TMX4: variants seen among roughly 807,000 people sequenced by gnomAD.
The protein encoded by TMX4 is thioredoxin related transmembrane protein 4.
In TMX4, 23 loss-of-function variants were observed where a neutral mutation model predicts 33.3. The observed-to-expected ratio is 0.69, with a 90% confidence interval of 0.50 to 0.98. TMX4 has a LOEUF of 0.98. Among genes scored for constraint, TMX4 ranks in the 50% least tolerant of loss-of-function variants. The pLI, the probability that TMX4 is intolerant of heterozygous loss-of-function variation, is 0.00. For synonymous variants in TMX4, 164 were observed against 161.5 expected (o/e 1.02, Z -0.12); for missense variants, 399 against 448.9 (o/e 0.89, Z 1.01).
At chr20:8,010,109 T>C in intron 2 of TMX4, 91 bp downstream of exon 2, 2 of 1,038,216 alleles carry the variant, frequency 1.9e-6, no homozygotes, top group South Asian at 2.8e-5. Context: ...GTAATCAATA[T>C]CCCAGACTCT....
chr20:8,010,095 A>C (rs1158253689), intron 2 of TMX4, 105 bp downstream of exon 2: 3 of 869,892 alleles, frequency 3.4e-6, no homozygotes. Context: ...TGGCCAGTTC[A>C]TGGGTAATCA....
intron 1 of TMX4, 125 bp from the exon 2 acceptor site, chr20:8,010,440 C>A: frequency 1.9e-6 from 1 of 537,946 alleles, no homozygotes; most frequent in Non-Finnish European, 2.8e-6. Flanking sequence ...GAGGCTTTTC[C>A]AAAGTCATTT....
At chr20:7,986,050 A>G (rs1265980164) in intron 6 of TMX4, among the ~76,000 whole-genome samples, 2 of 152,224 alleles carry the variant, frequency 1.3e-5, no homozygotes, top group Non-Finnish European at 2.9e-5. Context: ...ACACTATGGT[A>G]GCCCCAAAAT....
chr20:7,999,628 G>T, intron 4 of TMX4, 104 bp downstream of exon 4: 1 of 1,296,082 alleles, frequency 7.7e-7, no homozygotes, highest in Non-Finnish European at 1.0e-6. Context: ...TGGGTAATTG[G>T]AAGTAAATGT....
chr20:8,002,690 T>C (rs1258036360), intron 2 of TMX4, among the ~76,000 whole-genome samples: 3 of 152,184 alleles, frequency 2.0e-5, no homozygotes, highest in African/African-American at 7.2e-5. Context: ...AACTTGCAAT[T>C]CAAAACACTG....
chr20:7,999,498 G>A (rs1277720650), intron 4 of TMX4, among the ~76,000 whole-genome samples: 20 of 152,110 alleles, frequency 1.3e-4, no homozygotes, highest in Admixed American at 1.3e-3. Context: ...TGGAAAAGAG[G>A]CGTTCTGTAA....
At chr20:8,012,385 G>T (rs192780691) in intron 1 of TMX4, among the ~76,000 whole-genome samples, 1 of 152,218 alleles carries the variant, frequency 6.6e-6, no homozygotes, top group Non-Finnish European at 1.5e-5. Context: ...ACTGCTTGGG[G>T]TTCAAGACAC....
chr20:7,989,211 T>C (rs2050643826), intron 5 of TMX4, among the ~76,000 whole-genome samples: 2 of 152,158 alleles, frequency 1.3e-5, no homozygotes, highest in African/African-American at 4.8e-5. Context: ...ATCATCAATA[T>C]TAAACCCGGA....
intron 4 of TMX4, 115 bp downstream of exon 4, chr20:7,999,612 GTAATC>G: frequency 8.8e-7 from 1 of 1,139,644 alleles, no homozygotes; most frequent in Non-Finnish European, 1.2e-6. Context: ...ATGGCCATGA[GTAATC>G]TGGGTAATTG....
At chr20:8,000,818 T>C (rs1008330322) in intron 3 of TMX4, among the ~76,000 whole-genome samples, 1 of 152,198 alleles carries the variant, frequency 6.6e-6, no homozygotes, top group African/African-American at 2.4e-5. Context: ...CATTTGGAAC[T>C]GGGAAGGGCA....
chr20:8,018,933 AC>A (rs1275392027), intron 1 of TMX4: 4 of 418,362 alleles, frequency 9.6e-6, no homozygotes, highest in African/African-American at 2.1e-5. Flanking sequence ...GCCTGCCTTC[AC>A]CGTGCTGCAA....
intron 5 of TMX4, among the ~76,000 whole-genome samples, chr20:7,992,166 G>T (rs532885152): frequency 1.3e-5 from 2 of 152,084 alleles, no homozygotes; most frequent in Non-Finnish European, 2.9e-5. Flanking sequence ...AAAGAAATTG[G>T]ATATTGCTAC....
chr20:8,009,489 A>C (rs2122876648), intron 2 of TMX4, among the ~76,000 whole-genome samples: 1 of 152,232 alleles, frequency 6.6e-6, no homozygotes, highest in African/African-American at 2.4e-5. Context: ...TCCTTTCTTC[A>C]TAATTGAGAT....
chr20:7,996,864 T>C (rs1402207120), intron 4 of TMX4, among the ~76,000 whole-genome samples: 4 of 152,106 alleles, frequency 2.6e-5, no homozygotes, highest in East Asian at 1.9e-4. Context: ...TTCTCCAGAT[T>C]ACTCTACACA....
intron 3 of TMX4, among the ~76,000 whole-genome samples, chr20:8,000,716 C>T (rs780148072): frequency 6.6e-6 from 1 of 152,114 alleles, no homozygotes; most frequent in East Asian, 1.9e-4. Context: ...TCAACTTTTA[C>T]CTCAATGCTG....
At chr20:7,985,097 G>C (rs572946349) in intron 6 of TMX4, among the ~76,000 whole-genome samples, 8 of 151,986 alleles carry the variant, frequency 5.3e-5, no homozygotes, top group Non-Finnish European at 1.2e-4. Flanking sequence ...GAATGCAGCT[G>C]TTTCAAATTG....
Position 8,019,328 on chromosome 20 carries a change from T to G in TMX4, c.176+110A>C. 21 of 1,267,764 alleles carry G rather than the reference T, an allele frequency of 1.7e-5. No homozygotes were observed. In the East Asian group the frequency reaches 1.9e-4, roughly 12 times the overall value. The allele number at this position is 1,267,764 out of a possible 1,614,324, so 78.5% of individuals were successfully genotyped here. A position where few individuals can be genotyped will look rare whatever the true frequency, so the allele number is the denominator to read the frequency against. ...GGTTGTTGGCAAGCCTGGTCCGGGG[T>G]TTTAGGTTGAGCCCAAGCGGCAATG... On this transcript the variant is annotated intron_variant, in intron 1 of 7. Transcript: ENST00000246024.
chr20:7,999,902 T>A (rs1394133496), intron 3 of TMX4, 42 bp from the exon 4 acceptor site: 3 of 1,587,036 alleles, frequency 1.9e-6, no homozygotes, highest in Non-Finnish European at 2.6e-6. Flanking sequence ...TGCATTAAAA[T>A]AACGATGTTA....
chr20:7,992,687 A>G (rs2050660180), intron 5 of TMX4, among the ~76,000 whole-genome samples: 1 of 152,156 alleles, frequency 6.6e-6, no homozygotes, highest in South Asian at 2.1e-4. Flanking sequence ...AGGTGATCCT[A>G]GAATCTTGAG....
Sources: gnomAD v4.1 joint callset for allele counts (sites outside exome capture counted in the v4.1 genomes callset) on GRCh38, gnomAD v4.1.1 for gene constraint, MANE v1.5 for transcripts, NCBI Gene and HGNC (gene_info 2026-07-23, HGNC 2026-07-21) for gene names.